Variants in FAM193A observed in about 807,000 individuals in gnomAD.
FAM193A encodes the protein protein FAM193A.
FAM193A carries 22 observed loss-of-function variants against 126.5 expected under a neutral mutation model. The observed-to-expected ratio is 0.17, with a 90% confidence interval of 0.12 to 0.25. The LOEUF (loss-of-function observed/expected upper bound fraction) is 0.25, where lower values mean the gene tolerates loss of function less well. Among genes scored for constraint, FAM193A ranks in the 10% least tolerant of loss-of-function variants. The pLI is 1.00. For synonymous variants in FAM193A, 761 were observed against 646.8 expected (o/e 1.18, Z -2.68); for missense variants, 1,675 against 1,672.8 (o/e 1.00, Z -0.02).
chr4:2,568,090 A>G (rs142785038), intron 1 of FAM193A, among the ~76,000 whole-genome samples: 3 of 152,284 alleles, frequency 2.0e-5, no homozygotes, highest in Non-Finnish European at 4.4e-5. Flanking sequence ...CGCCTTTTCT[A>G]TTCCACTTAC....
chr4:2,629,316 C>T (rs934826794), intron 4 of FAM193A, among the ~76,000 whole-genome samples: 2 of 151,624 alleles, frequency 1.3e-5, no homozygotes, highest in Middle Eastern at 3.2e-3. Context: ...CAAAATTTGA[C>T]CTTCTGTGGC....
At position 2,596,067 on chromosome 4, in the gene FAM193A, T is replaced by G. The variant is rs1416100088; in HGVS notation, c.256-17T>G. ...TAGATGAGGTTTTGAAAATAGAATT[T>G]TTTTTTTCTATTCCAGACTCCTTTT... On this transcript the variant is annotated splice_polypyrimidine_tract_variant and intron_variant, in intron 1 of 20. Coordinates refer to ENST00000637812, the MANE Select transcript of FAM193A (RefSeq NM_001366318.2). 1.5e-6 allele frequency: 1 copy of G among 681,736 alleles called. No homozygotes were observed. The allele number at this position is 681,736 out of a possible 1,614,324, so 42.2% of individuals were successfully genotyped here.
At chr4:2,707,153 T>A (rs1471877888) in intron 19 of FAM193A, among the ~76,000 whole-genome samples, 1 of 152,120 alleles carries the variant, frequency 6.6e-6, no homozygotes, top group African/African-American at 2.4e-5. Context: ...TTGGTATCTT[T>A]GTCAGGATTC....
chr4:2,698,327 A>G lies in FAM193A; in HGVS notation c.3508-1353A>G, dbSNP rs865984059. Among the ~76,000 whole-genome samples, 3 of 152,348 alleles carry G rather than the reference A, an allele frequency of 2.0e-5. No homozygotes were observed. The Middle Eastern group carries it at 0.01, about 522-fold the overall frequency. On this transcript the variant is annotated intron_variant, in intron 18 of 20. Transcript: ENST00000637812. Reference sequence around the variant, plus strand: ...AGCTCTGAGAGGATGCCAACTGGCCAGTGTGTGCCAGCGAGTGTCCTGATG... The same window carrying G: ...AGCTCTGAGAGGATGCCAACTGGCCGGTGTGTGCCAGCGAGTGTCCTGATG...
At chr4:2,596,649 T>G (rs1416829665) in intron 2 of FAM193A, among the ~76,000 whole-genome samples, 1 of 152,228 alleles carries the variant, frequency 6.6e-6, no homozygotes, top group Non-Finnish European at 1.5e-5. Flanking sequence ...TTTCATGTGT[T>G]TAGTTCTCAA....
chr4:2,578,150 T>C lies in FAM193A; in HGVS notation c.256-17934T>C, dbSNP rs115304975. Among the ~76,000 whole-genome samples the C allele has an allele frequency of 4.2e-3, 644 of 152,278 alleles. 1 individual carries two copies. The highest frequency in any genetic ancestry group is 0.015 in the African/African-American group (620 of 41,564). Reference sequence around the variant, plus strand: ...GATGCAGTGAAGCTCACTGCAGCCTTGACTTCCCGGGCTTAAGCAATTTTC... The same window carrying C: ...GATGCAGTGAAGCTCACTGCAGCCTCGACTTCCCGGGCTTAAGCAATTTTC... On this transcript the variant is annotated intron_variant, in intron 1 of 20. Coordinates refer to ENST00000637812, the MANE Select transcript of FAM193A (RefSeq NM_001366318.2).
rs368026323 is a variant in FAM193A at position 2,631,865 on chromosome 4, C to T, written c.1038+696C>T. On this transcript the variant is annotated intron_variant, in intron 5 of 20. Transcript: ENST00000637812. ...ATCCTCAACAGCCTCAGTGCCCCCA[C>T]GCTTTGGAAGGAGACCAGAGACAAG... Among the ~76,000 whole-genome samples the T allele has an allele frequency of 3.9e-5, 6 of 152,294 alleles. No individual in the cohort carries two copies. In the East Asian group the frequency reaches 5.8e-4, roughly 15 times the overall value.
At chr4:2,649,261 C>T (rs551951781) in intron 7 of FAM193A, among the ~76,000 whole-genome samples, 1 of 151,448 alleles carries the variant, frequency 6.6e-6, no homozygotes, top group African/African-American at 2.4e-5. Context: ...GTGGTTCCGG[C>T]CACTCCAGAG....
At chr4:2,705,525 A>G (rs185030979) in intron 19 of FAM193A, among the ~76,000 whole-genome samples, 1 of 151,734 alleles carries the variant, frequency 6.6e-6, no homozygotes, top group South Asian at 2.1e-4. Context: ...GGTGTGAAAT[A>G]TGGATCCAAT....
rs1410524498 is a variant in FAM193A at position 2,621,294 on chromosome 4, A to G, written c.502-3968A>G. Among the ~76,000 whole-genome samples, 3 of 152,154 alleles carry G rather than the reference A, an allele frequency of 2.0e-5. No homozygotes were observed. In the East Asian group the frequency reaches 5.8e-4, roughly 29 times the overall value. On this transcript the variant is annotated intron_variant, in intron 2 of 20. Coordinates refer to ENST00000637812, the MANE Select transcript of FAM193A (RefSeq NM_001366318.2). ...AGCTCCTTCATTGTAAGTGTGGCGA[A>G]GAAGGGTGGATTTGGAGTTGAGAGG...
At chr4:2,696,637 C>T (rs3733215) in intron 18 of FAM193A, 44 bp downstream of exon 18, 622,441 of 1,493,368 alleles carry the variant, frequency 0.42, 132,994 homozygotes, top group Admixed American at 0.62. Context: ...GGTCTGAGGG[C>T]ATTTGAAGGT....
chr4:2,582,046 C>T (rs1322227628), intron 1 of FAM193A, among the ~76,000 whole-genome samples: 1 of 152,114 alleles, frequency 6.6e-6, no homozygotes, highest in African/African-American at 2.4e-5. Context: ...AAATTACTCT[C>T]TTCTGGTTTT....
At chr4:2,586,240 G>A (rs777811542) in intron 1 of FAM193A, among the ~76,000 whole-genome samples, 6 of 139,088 alleles carry the variant, frequency 4.3e-5, no homozygotes, top group South Asian at 2.2e-4. Flanking sequence ...CAAAAACTCC[G>A]TCTCAAAAAA....
chr4:2,545,786 G>T (rs1025667312), intron 1 of FAM193A, among the ~76,000 whole-genome samples: 1 of 152,156 alleles, frequency 6.6e-6, no homozygotes, highest in African/African-American at 2.4e-5. Flanking sequence ...TGCTCAAGCA[G>T]TGCTCCCACC....
intron 1 of FAM193A, among the ~76,000 whole-genome samples, chr4:2,586,098 C>T (rs1443329516): frequency 1.3e-5 from 2 of 151,820 alleles, no homozygotes; most frequent in Admixed American, 1.3e-4. Flanking sequence ...ACAAAATTAG[C>T]CAGGCGTGGT....
chr4:2,541,302 A>C (rs946835120), intron 1 of FAM193A, among the ~76,000 whole-genome samples: 49 of 152,284 alleles, frequency 3.2e-4, no homozygotes, highest in African/African-American at 1.2e-3. Context: ...ATTGCACTCC[A>C]GCCTGGGCAA....
intron 20 of FAM193A, among the ~76,000 whole-genome samples, chr4:2,722,665 GA>G (rs1311078951): frequency 6.6e-6 from 1 of 152,172 alleles, no homozygotes; most frequent in African/African-American, 2.4e-5. Flanking sequence ...CAGTTTAGGG[GA>G]GTGAGGGGAT....
intron 1 of FAM193A, among the ~76,000 whole-genome samples, chr4:2,566,322 T>C (rs540057368): frequency 2.4e-4 from 36 of 152,262 alleles, no homozygotes; most frequent in East Asian, 1.2e-3. Context: ...GCTGGGATTA[T>C]AGGCGTGAGC....
chr4:2,604,649 A>T (rs1577065002), intron 2 of FAM193A, among the ~76,000 whole-genome samples: 1 of 151,768 alleles, frequency 6.6e-6, no homozygotes, highest in African/African-American at 2.4e-5. Flanking sequence ...GCTCCCTCCC[A>T]TTCTTTTTTT....
Sources: gnomAD v4.1 joint callset for allele counts (sites outside exome capture counted in the v4.1 genomes callset) on GRCh38, gnomAD v4.1.1 for gene constraint, MANE v1.5 for transcripts, NCBI Gene and HGNC (gene_info 2026-07-23, HGNC 2026-07-21) for gene names.